The following AHRR variants were observed in gnomAD, a reference collection of about 807,000 sequenced individuals.
AHRR encodes aryl hydrocarbon receptor repressor, also known as ahR repressor.
Under a neutral mutation model 44.0 loss-of-function variants are expected in AHRR, and 28 were observed. That is an observed-to-expected ratio of 0.64 (90% CI 0.47 to 0.87). The LOEUF (loss-of-function observed/expected upper bound fraction) is 0.87, where lower values mean the gene tolerates loss of function less well. AHRR is among the 40% of genes least tolerant of loss of function. The pLI is 0.00. For synonymous variants in AHRR, 434 were observed against 407.0 expected (o/e 1.07, Z -0.80); for missense variants, 990 against 953.9 (o/e 1.04, Z -0.50).
Position 404,163 on chromosome 5 carries a change from C to A in AHRR, c.352-9181C>A. The A allele has an allele frequency of 1.9e-6, 1 of 534,266 alleles. No homozygotes were observed. The highest frequency in any genetic ancestry group is 1.7e-5 in the South Asian group (1 of 60,366). The allele number at this position is 534,266 out of a possible 1,614,324, so 33.1% of individuals were successfully genotyped here. A position where few individuals can be genotyped will look rare whatever the true frequency, so the allele number is the denominator to read the frequency against. ...TCAGCCTCAGCCGTTCCTGGTGGGT[C>A]TGCATTCCTGTCACGAGCTGGTCTT... On this transcript the variant is annotated intron_variant, in intron 4 of 10. Transcript: ENST00000684583. The surrounding 1 kb of genome is among the most constrained non-coding windows in gnomAD (Gnocchi z 4.1).
chr5:376,543 T>G (rs1438374653), intron 3 of AHRR, 67 bp from the exon 4 acceptor site: 71 of 1,397,680 alleles, frequency 5.1e-5, no homozygotes, highest in South Asian at 1.3e-4. Context: ...ACAGGAAAGA[T>G]GTGAATGAAG....
At chr5:420,334 C>A (rs552885254) in intron 5 of AHRR, among the ~76,000 whole-genome samples, 1 of 152,216 alleles carries the variant, frequency 6.6e-6, no homozygotes, top group Non-Finnish European at 1.5e-5. Context: ...CCAACGAAGA[C>A]AATCCCCTGG....
rs543897600 is a variant in AHRR at position 407,816 on chromosome 5, C to T, written c.352-5528C>T. Among the ~76,000 whole-genome samples the T allele has an allele frequency of 7.2e-5, 11 of 152,226 alleles. No individual in the cohort carries two copies. The South Asian group carries it at 1.7e-3, about 23-fold the overall frequency. On this transcript the variant is annotated intron_variant, in intron 4 of 10. Transcript: ENST00000684583. ...CCTCTCAAAATGCTGGGATTACAGGCGTGAGCCACTGAGCCCGGCCTTACT... is the reference window on the plus strand; with the variant it reads ...CCTCTCAAAATGCTGGGATTACAGGTGTGAGCCACTGAGCCCGGCCTTACT...
chr5:353,808 G>A lies in AHRR; in HGVS notation c.141G>A (p.Leu47=), dbSNP rs1211888535. The change falls in exon 3 of 11, where the codon CTG becomes CTA. Residue 47 remains leucine (L), a synonymous_variant. Coordinates refer to ENST00000684583, the MANE Select transcript of AHRR (RefSeq NM_001377236.1). ...GCCTCAACGCCGAGTTGGACCACCT[G>A]GCCAGCCTGCTGCCGTTCCCGCCTG... ...RDRLNAELDH[L]ASLLPFPPDI... is the part of the protein sequence containing the mutation. 2 of 1,613,900 alleles carry A rather than the reference G, an allele frequency of 1.2e-6. No individual in the cohort carries two copies. Among genetic ancestry groups the A allele is most frequent in the Admixed American group, 1.7e-5 (1 of 60,004 alleles).
intron 1 of AHRR, among the ~76,000 whole-genome samples, chr5:327,833 T>C (rs1741764607): frequency 6.6e-6 from 1 of 152,190 alleles, no homozygotes; most frequent in Non-Finnish European, 1.5e-5. Context: ...GTGCACAACG[T>C]GCAGGTTTGT....
intron 7 of AHRR, among the ~76,000 whole-genome samples, chr5:426,452 GTGAA>G (rs1239144738): frequency 1.5e-5 from 2 of 137,644 alleles, no homozygotes; most frequent in East Asian, 2.2e-4. Flanking sequence ...GGAAAGATGG[GTGAA>G]TGGATGGATG....
In AHRR at chr5:395,985, G is replaced by A. The variant is rs1183610513; in HGVS notation, c.352-17359G>A. 6.6e-6 allele frequency among the ~76,000 whole-genome samples: 1 copy of A among 152,196 alleles called. No homozygotes were observed. Among genetic ancestry groups the A allele is most frequent in the Non-Finnish European group, 1.5e-5 (1 of 68,032 alleles). ...TCCAGAAACTCAGGCCAGAAGCGAA[G>A]GTATAAAACACCAGATGGTAACACA... On this transcript the variant is annotated intron_variant, in intron 4 of 10. Coordinates refer to ENST00000684583, the MANE Select transcript of AHRR (RefSeq NM_001377236.1). This position sits in a 1 kb window ranked among gnomAD's most constrained non-coding sequence, Gnocchi z 5.3.
chr5:415,848 T>C (rs927586528), intron 5 of AHRR, among the ~76,000 whole-genome samples: 1 of 152,206 alleles, frequency 6.6e-6, no homozygotes, highest in Admixed American at 6.5e-5. Context: ...TTTTATCCAA[T>C]TTCCATAAGA....
chr5:414,075 C>T (rs556258717), intron 5 of AHRR, among the ~76,000 whole-genome samples: 4 of 152,204 alleles, frequency 2.6e-5, no homozygotes, highest in East Asian at 3.9e-4. Context: ...CCAGGCTGGC[C>T]AACATGGTGA....
chr5:344,083 G>C, intron 2 of AHRR, 119 bp downstream of exon 2: 2 of 1,104,542 alleles, frequency 1.8e-6, no homozygotes, highest in Non-Finnish European at 2.5e-6. Flanking sequence ...TCGGGAGCCG[G>C]GCGGGCCGGG....
At chr5:332,008 C>T (rs2671909) in intron 1 of AHRR, among the ~76,000 whole-genome samples, 1,531 of 152,130 alleles carry the variant, frequency 0.01, 34 homozygotes, top group African/African-American at 0.035. Flanking sequence ...TAAAGTATGT[C>T]GTGTTTAATT....
intron 1 of AHRR, among the ~76,000 whole-genome samples, chr5:340,690 T>TATATATATATATATATATA (rs1560881649): frequency 6.4e-4 from 10 of 15,634 alleles, no homozygotes; most frequent in African/African-American, 3.2e-3. Flanking sequence ...ATATATATAT[T>TATATATATATATATATATA]TTTTTTTTTT....
At chr5:329,357 C>T (rs1741836730) in intron 1 of AHRR, among the ~76,000 whole-genome samples, 1 of 152,088 alleles carries the variant, frequency 6.6e-6, no homozygotes, top group Admixed American at 6.6e-5. Context: ...GCCACCATGC[C>T]TGACTAATTT....
At chr5:324,297 C>T (rs1741623297) in intron 1 of AHRR, among the ~76,000 whole-genome samples, 1 of 151,670 alleles carries the variant, frequency 6.6e-6, no homozygotes, top group Non-Finnish European at 1.5e-5. Context: ...TCTCGAACTC[C>T]TGACGTCATG....
At chr5:396,078 A>T (rs1417820742) in intron 4 of AHRR, among the ~76,000 whole-genome samples, 1 of 152,182 alleles carries the variant, frequency 6.6e-6, no homozygotes, top group African/African-American at 2.4e-5. Context: ...CGGGAGGGTA[A>T]GAGAGGGATG....
chr5:429,265 C>T (rs994953928), intron 8 of AHRR, among the ~76,000 whole-genome samples: 1 of 134,270 alleles, frequency 7.4e-6, no homozygotes, highest in African/African-American at 2.6e-5. Context: ...TAGGGCTGGG[C>T]CGCCAGGATG....
chr5:376,713 G>C lies in AHRR; in HGVS notation c.348G>C (p.Leu116Phe). ...GSAVLEGRLL[L>F]ESLNGFALVV... ...CCGTGCTGGAGGGAAGGCTGCTGTT[G>C]GAGGTGAGTGCCACCCTTGGTACCT... Residue 116 changes from leucine (L) to phenylalanine (F), a missense_variant, in exon 4 of 11, where the codon TTG becomes TTC. By Grantham distance (22) the Leu-to-Phe change is conservative. Transcript: ENST00000684583. 1.2e-6 allele frequency: 2 copies of C among 1,605,156 alleles called. No individual in the cohort carries two copies. The highest frequency in any genetic ancestry group is 1.7e-6 in the Non-Finnish European group (2 of 1,176,306).
intron 3 of AHRR, 44 bp from the exon 4 acceptor site, chr5:376,566 G>GAAAGATGTGAATGAAGGAGAAA: frequency 6.6e-7 from 1 of 1,517,814 alleles, no homozygotes; most frequent in Non-Finnish European, 8.9e-7. Flanking sequence ...GAGTGGCCAG[G>GAAAGATGTGAATGAAGGAGAAA]CCAAGGGTTG....
rs1742371138 is a variant in AHRR at position 342,189 on chromosome 5, T to C, written c.-10-1704T>C. Among the ~76,000 whole-genome samples the C allele has an allele frequency of 1.3e-5, 2 of 152,254 alleles. No individual in the cohort carries two copies. The highest frequency in any genetic ancestry group is 4.1e-4 in the South Asian group (2 of 4,834). On this transcript the variant is annotated intron_variant, in intron 1 of 10. Coordinates refer to ENST00000684583, the MANE Select transcript of AHRR (RefSeq NM_001377236.1). This position sits in a 1 kb window ranked among gnomAD's most constrained non-coding sequence, Gnocchi z 4.3. ...GGATGGAGTGTTTTATAAATTTCCA[T>C]TAATTCAAGTCTGTTGTCGTTTGGA...
Sources: gnomAD v4.1 joint callset for allele counts (sites outside exome capture counted in the v4.1 genomes callset) on GRCh38, gnomAD v4.1.1 for gene constraint, Gnocchi (gnomAD v3.1) non-coding constraint, MANE v1.5 for transcripts, NCBI Gene and HGNC (gene_info 2026-07-23, HGNC 2026-07-21) for gene names.